The following COMMD10 variants were observed in gnomAD, a reference collection of about 807,000 sequenced individuals.
COMMD10 encodes the protein COMM domain-containing protein 10.
COMMD10 carries 33 observed loss-of-function variants against 28.9 expected under a neutral mutation model. The observed-to-expected ratio is 1.14, with a 90% CI of 0.87 to 1.53. COMMD10 has a LOEUF of 1.53. Ranked by LOEUF, COMMD10 falls within the 40% of genes most tolerant of loss-of-function variation. The pLI is 0.00. For synonymous variants in COMMD10, 110 were observed against 81.7 expected, an observed-to-expected ratio of 1.35 and a Z score of -1.87; for missense variants, 310 against 233.4, an observed-to-expected ratio of 1.33 and a Z score of -2.14.
chr5:116,094,072 G>C (rs1750390533), intron 4 of COMMD10, among the ~76,000 whole-genome samples: 1 of 151,994 alleles, frequency 6.6e-6, no homozygotes, highest in African/African-American at 2.4e-5. Flanking sequence ...TAAAATACTA[G>C]AAGAAAACAG....
intron 4 of COMMD10, among the ~76,000 whole-genome samples, chr5:116,105,701 C>A (rs115523929): frequency 0.029 from 4,348 of 152,204 alleles, 104 homozygotes; most frequent in East Asian, 0.14. Flanking sequence ...GTGTATGTGT[C>A]CAGGAGTTTA....
At chr5:116,286,925 T>G (rs1391424703) in intron 5 of COMMD10, among the ~76,000 whole-genome samples, 3 of 151,850 alleles carry the variant, frequency 2.0e-5, no homozygotes, top group Non-Finnish European at 4.4e-5. Context: ...TCTGAATAAT[T>G]CTGTTCATTG....
In COMMD10 at chr5:116,215,666, G is replaced by A. The variant is rs182990357; in HGVS notation, c.511-75851G>A. Reference sequence around the variant, plus strand: ...CAGGCCACTGCACTCCAGCCTGGGCGACAGAGTGGGAGTCCAGCTAAAAAA... The same window carrying A: ...CAGGCCACTGCACTCCAGCCTGGGCAACAGAGTGGGAGTCCAGCTAAAAAA... On this transcript the variant is annotated intron_variant, in intron 5 of 6. Coordinates refer to ENST00000274458, the MANE Select transcript of COMMD10 (RefSeq NM_016144.4). Among the ~76,000 whole-genome samples, 1,158 of 147,916 alleles carry A rather than the reference G, an allele frequency of 7.8e-3. 16 individuals are homozygous for A. Among genetic ancestry groups the A allele is most frequent in the African/African-American group, 0.026 (1,069 of 40,768 alleles).
chr5:116,121,947 A>T (rs1301953410), intron 4 of COMMD10, among the ~76,000 whole-genome samples: 1 of 152,038 alleles, frequency 6.6e-6, no homozygotes, highest in Non-Finnish European at 1.5e-5. Flanking sequence ...GTTCACTCTG[A>T]TGGTAGTTTC....
chr5:116,183,458 AT>A (rs1230927941), intron 5 of COMMD10, among the ~76,000 whole-genome samples: 2 of 152,076 alleles, frequency 1.3e-5, no homozygotes, highest in Non-Finnish European at 2.9e-5. Flanking sequence ...TTTTAAACAT[AT>A]TTTTCAGGTA....
intron 5 of COMMD10, among the ~76,000 whole-genome samples, chr5:116,217,533 A>T (rs1238251927): frequency 2.0e-5 from 3 of 152,198 alleles, no homozygotes; most frequent in Non-Finnish European, 4.4e-5. Flanking sequence ...CTAGAAACGG[A>T]ACCACTGCTC....
At chr5:116,251,330 T>C (rs917742816) in intron 5 of COMMD10, among the ~76,000 whole-genome samples, 1 of 149,658 alleles carries the variant, frequency 6.7e-6, no homozygotes, top group Admixed American at 6.7e-5. Flanking sequence ...TTAGGGTACA[T>C]GTGCACATTG....
chr5:116,287,399 G>C (rs773169242), intron 5 of COMMD10, among the ~76,000 whole-genome samples: 11 of 151,658 alleles, frequency 7.3e-5, no homozygotes, highest in South Asian at 6.2e-4. Flanking sequence ...AGCCACTTCT[G>C]CTCTCTTTTG....
intron 4 of COMMD10, among the ~76,000 whole-genome samples, chr5:116,119,861 C>G (rs1364950161): frequency 6.6e-6 from 1 of 152,124 alleles, no homozygotes; most frequent in East Asian, 1.9e-4. Flanking sequence ...AGCAATTGGT[C>G]CCCCTGCCTC....
At chr5:116,270,101 T>A (rs190097412) in intron 5 of COMMD10, among the ~76,000 whole-genome samples, 1 of 152,044 alleles carries the variant, frequency 6.6e-6, no homozygotes, top group African/African-American at 2.4e-5. Context: ...TTTGAGTATT[T>A]TGTCCATTGT....
intron 5 of COMMD10, among the ~76,000 whole-genome samples, chr5:116,154,638 C>T (rs1752645966): frequency 6.6e-6 from 1 of 152,138 alleles, no homozygotes; most frequent in Non-Finnish European, 1.5e-5. Flanking sequence ...ATTTATATGG[C>T]AAGTTGGCCC....
chr5:116,125,476 C>T (rs185671682), intron 4 of COMMD10, among the ~76,000 whole-genome samples: 1 of 152,198 alleles, frequency 6.6e-6, no homozygotes, highest in East Asian at 1.9e-4. Flanking sequence ...TCTGGCTGCC[C>T]TTAACATTTT....
intron 5 of COMMD10, among the ~76,000 whole-genome samples, chr5:116,164,739 C>T (rs544283707): frequency 1.3e-5 from 2 of 149,084 alleles, no homozygotes; most frequent in South Asian, 4.3e-4. Flanking sequence ...CTGGGTATCA[C>T]CACTTAACTA....
At chr5:116,143,907 A>T (rs929736616) in intron 5 of COMMD10, among the ~76,000 whole-genome samples, 2 of 151,758 alleles carry the variant, frequency 1.3e-5, no homozygotes, top group Non-Finnish European at 3.0e-5. Context: ...ATGTTAAGCC[A>T]GTAAATATAA....
chr5:116,168,013 G>A (rs1220328182), intron 5 of COMMD10, among the ~76,000 whole-genome samples: 13 of 151,530 alleles, frequency 8.6e-5, no homozygotes, highest in Admixed American at 6.6e-4. Flanking sequence ...TGGACTAAAT[G>A]CCCCAATTAA....
intron 5 of COMMD10, among the ~76,000 whole-genome samples, chr5:116,289,780 T>G (rs1751317794): frequency 6.6e-6 from 1 of 151,850 alleles, no homozygotes; most frequent in African/African-American, 2.4e-5. Context: ...TTGGAATTCC[T>G]TCTTGGTTTT....
intron 5 of COMMD10, among the ~76,000 whole-genome samples, chr5:116,169,026 ATAAAT>A (rs1753227966): frequency 1.3e-5 from 2 of 152,268 alleles, no homozygotes; most frequent in South Asian, 4.1e-4. Context: ...AATTCAAAAA[ATAAAT>A]TCATTCAAAA....
At chr5:116,258,846 G>A (rs1225222128) in intron 5 of COMMD10, among the ~76,000 whole-genome samples, 1 of 151,506 alleles carries the variant, frequency 6.6e-6, no homozygotes, top group African/African-American at 2.4e-5. Context: ...TCTGAAACCC[G>A]AATCTACCTT....
chr5:116,222,226 A>C (rs2112645376), intron 5 of COMMD10, among the ~76,000 whole-genome samples: 1 of 152,346 alleles, frequency 6.6e-6, no homozygotes, highest in East Asian at 1.9e-4. Flanking sequence ...TCATGAAAAC[A>C]TTCTCAAGAG....
Sources: gnomAD v4.1 joint callset for allele counts (sites outside exome capture counted in the v4.1 genomes callset) on GRCh38, gnomAD v4.1.1 for gene constraint, MANE v1.5 for transcripts, NCBI Gene and HGNC (gene_info 2026-07-23, HGNC 2026-07-21) for gene names.